CNTN5: variants seen among roughly 807,000 people sequenced by gnomAD.
The protein encoded by CNTN5 is contactin 5, also known as contactin-5.
Under a neutral mutation model 129.1 loss-of-function variants are expected in CNTN5, and 77 were observed. The observed-to-expected ratio is 0.60, with a 90% CI of 0.50 to 0.72. The LOEUF (loss-of-function observed/expected upper bound fraction) is 0.72. CNTN5 is among the 30% of genes least tolerant of loss of function. The pLI is 0.00. For synonymous variants in CNTN5, 509 were observed against 465.6 expected (o/e 1.09, Z -1.20); for missense variants, 1,478 against 1,328.8 (o/e 1.11, Z -1.75).
chr11:99,732,262 ATAGAGT>A (rs113431578), intron 3 of CNTN5, among the ~76,000 whole-genome samples: 8,524 of 152,208 alleles, frequency 0.056, 581 homozygotes, highest in African/African-American at 0.16. Context: ...AATGGAAGTA[ATAGAGT>A]TAGTGAGCTG....
At position 99,808,593 on chromosome 11, in the gene CNTN5, A is replaced by T. The variant is rs556367823; in HGVS notation, c.56-10951A>T. The stretch of plus-strand genomic sequence containing the variant: ...TCTGCTTTTGAAGAAAAATTGCCAT[A>T]GAAAAAAATCACTCGGGGACTTCAA... On this transcript the variant is annotated intron_variant, in intron 3 of 24. Coordinates refer to ENST00000524871, the MANE Select transcript of CNTN5 (RefSeq NM_014361.4). 2.0e-5 allele frequency among the ~76,000 whole-genome samples: 3 copies of T among 152,350 alleles called. No individual in the cohort carries two copies. The East Asian group carries it at 5.8e-4, about 29-fold the overall frequency.
chr11:100,158,966 A>G (rs1363024), intron 13 of CNTN5, among the ~76,000 whole-genome samples: 9,803 of 152,000 alleles, frequency 0.064, 337 homozygotes, highest in Non-Finnish European at 0.082. Context: ...TATTCAGATA[A>G]TGGAATACTA....
At chr11:100,070,646 A>C in intron 11 of CNTN5, 86 bp downstream of exon 11, 1 of 1,298,158 alleles carries the variant, frequency 7.7e-7, no homozygotes, top group South Asian at 1.3e-5. Context: ...GTCTTATTGA[A>C]AGCCTTTTCC....
At chr11:99,669,272 G>A (rs1036845485) in intron 3 of CNTN5, among the ~76,000 whole-genome samples, 1 of 152,068 alleles carries the variant, frequency 6.6e-6, no homozygotes, top group Non-Finnish European at 1.5e-5. Context: ...AGCTATAAAA[G>A]ATTGAGTCCT....
chr11:99,881,461 C>G (rs1948769677), intron 6 of CNTN5, among the ~76,000 whole-genome samples: 1 of 152,148 alleles, frequency 6.6e-6, no homozygotes, highest in Admixed American at 6.6e-5. Flanking sequence ...AGAAAAGTCA[C>G]TTTGATTCTA....
chr11:99,934,577 A>G (rs531399760), intron 7 of CNTN5, among the ~76,000 whole-genome samples: 1 of 152,118 alleles, frequency 6.6e-6, no homozygotes, highest in Non-Finnish European at 1.5e-5. Context: ...ACGTACAACG[A>G]TTCTATAATG....
chr11:99,105,967 G>T (rs1475997277), intron 1 of CNTN5, among the ~76,000 whole-genome samples: 1 of 152,076 alleles, frequency 6.6e-6, no homozygotes, highest in African/African-American at 2.4e-5. Context: ...AGTTAGAAAT[G>T]ACAATGTTAT....
chr11:100,241,745 TG>T (rs1457339009), intron 16 of CNTN5, among the ~76,000 whole-genome samples: 4 of 152,252 alleles, frequency 2.6e-5, no homozygotes, highest in East Asian at 3.9e-4. Flanking sequence ...ACAATGCAAA[TG>T]GAAAAATAAT....
chr11:99,042,203 A>T (rs1864011456), intron 1 of CNTN5, among the ~76,000 whole-genome samples: 1 of 151,538 alleles, frequency 6.6e-6, no homozygotes, highest in Admixed American at 6.6e-5. Flanking sequence ...CATTTTATTT[A>T]TTTTTAAAAG....
intron 3 of CNTN5, among the ~76,000 whole-genome samples, chr11:99,780,188 C>T (rs1270105170): frequency 6.6e-6 from 1 of 151,954 alleles, no homozygotes; most frequent in Non-Finnish European, 1.5e-5. Context: ...TTTTCCCCCC[C>T]TTCAGATTAA....
At chr11:100,118,589 A>T in intron 13 of CNTN5, among the ~76,000 whole-genome samples, 1 of 151,882 alleles carries the variant, frequency 6.6e-6, no homozygotes, top group South Asian at 2.1e-4. Context: ...GTTAATGAGG[A>T]TTTGTAATTA....
At chr11:99,356,475 T>C (rs2136096267) in intron 2 of CNTN5, among the ~76,000 whole-genome samples, 1 of 152,336 alleles carries the variant, frequency 6.6e-6, no homozygotes, top group South Asian at 2.1e-4. Context: ...CACACTCATA[T>C]ATTTACATAC....
chr11:99,594,441 A>C (rs1950066917), intron 3 of CNTN5, among the ~76,000 whole-genome samples: 1 of 152,170 alleles, frequency 6.6e-6, no homozygotes, highest in Non-Finnish European at 1.5e-5. Flanking sequence ...CTTTGCGTTT[A>C]GACCATTGTG....
intron 3 of CNTN5, among the ~76,000 whole-genome samples, chr11:99,612,133 A>G (rs73539202): frequency 0.028 from 4,242 of 152,298 alleles, 208 homozygotes; most frequent in African/African-American, 0.096. Flanking sequence ...TGTGAGGTAC[A>G]TCATATTATT....
chr11:100,309,798 C>T, intron 21 of CNTN5: 12 of 569,078 alleles, frequency 2.1e-5, no homozygotes, highest in Non-Finnish European at 2.4e-5. Context: ...GGGACACGTG[C>T]CTCCTCCAAC....
At chr11:99,857,918 A>G (rs568475805) in intron 6 of CNTN5, among the ~76,000 whole-genome samples, 1 of 152,304 alleles carries the variant, frequency 6.6e-6, no homozygotes, top group South Asian at 2.1e-4. Context: ...GACAGAATTT[A>G]TCAAACCAAG....
intron 3 of CNTN5, among the ~76,000 whole-genome samples, chr11:99,711,629 CT>C (rs1363085679): frequency 1.3e-5 from 2 of 151,904 alleles, no homozygotes; most frequent in South Asian, 2.1e-4. Flanking sequence ...TCTCCCTCCC[CT>C]AGCCCCCCAC....
At chr11:99,543,069 G>A (rs1416649808) in intron 2 of CNTN5, among the ~76,000 whole-genome samples, 1 of 152,070 alleles carries the variant, frequency 6.6e-6, no homozygotes, top group Non-Finnish European at 1.5e-5. Context: ...TATATAATCT[G>A]TGCTCTGTTA....
chr11:99,915,099 G>A (rs1417301077), intron 6 of CNTN5, among the ~76,000 whole-genome samples: 3 of 151,918 alleles, frequency 2.0e-5, no homozygotes, highest in Non-Finnish European at 4.4e-5. Flanking sequence ...TTTCTAAGAA[G>A]CATTTCTTAT....
Sources: gnomAD v4.1 joint callset for allele counts (sites outside exome capture counted in the v4.1 genomes callset) on GRCh38, gnomAD v4.1.1 for gene constraint, MANE v1.5 for transcripts, NCBI Gene and HGNC (gene_info 2026-07-23, HGNC 2026-07-21) for gene names.